Variants in SUFU observed in about 807,000 individuals in gnomAD.
SUFU encodes suppressor of fused homolog.
Under a neutral mutation model 58.9 loss-of-function variants are expected in SUFU, and 7 were observed. The observed-to-expected ratio is 0.12, with a 90% CI of 0.07 to 0.22. SUFU has a LOEUF of 0.22. SUFU is among the 10% of genes least tolerant of loss of function. The pLI is 1.00. For synonymous variants in SUFU, 232 were observed against 254.8 expected, an observed-to-expected ratio of 0.91 and a Z score of 0.85; for missense variants, 451 against 641.3, an observed-to-expected ratio of 0.70 and a Z score of 3.20.
chr10:102,577,574 A>G (rs901934646), intron 3 of SUFU, among the ~76,000 whole-genome samples: 1 of 152,178 alleles, frequency 6.6e-6, no homozygotes, highest in South Asian at 2.1e-4. Flanking sequence ...CCTGTGCTCA[A>G]GTGATCCACC....
intron 10 of SUFU, among the ~76,000 whole-genome samples, chr10:102,621,052 C>G (rs996013079): frequency 1.3e-5 from 2 of 152,218 alleles, no homozygotes; most frequent in East Asian, 3.8e-4. Context: ...GCAGCTGTTC[C>G]AAGTGGGCTC....
intron 8 of SUFU, among the ~76,000 whole-genome samples, chr10:102,611,096 C>A (rs1392465740): frequency 6.6e-6 from 1 of 152,220 alleles, no homozygotes; most frequent in Non-Finnish European, 1.5e-5. Context: ...GATGGGACAT[C>A]AAACTTTGAC....
chr10:102,612,022 T>G (rs576113748), intron 8 of SUFU, among the ~76,000 whole-genome samples: 1 of 152,342 alleles, frequency 6.6e-6, no homozygotes, highest in East Asian at 1.9e-4. Flanking sequence ...CACTACTTAT[T>G]TTTTATGACT....
At chr10:102,624,025 C>A (rs1432932738) in intron 10 of SUFU, among the ~76,000 whole-genome samples, 1 of 152,192 alleles carries the variant, frequency 6.6e-6, no homozygotes, top group Admixed American at 6.5e-5. Context: ...ACCTCCCTAG[C>A]AGAACTGCCA....
intron 2 of SUFU, among the ~76,000 whole-genome samples, chr10:102,538,507 T>C (rs573200373): frequency 5.7e-4 from 87 of 152,302 alleles, no homozygotes; most frequent in African/African-American, 2.1e-3. Context: ...AGCTACCATA[T>C]GGAAACTACA....
intron 10 of SUFU, among the ~76,000 whole-genome samples, chr10:102,622,614 C>T (rs1020831169): frequency 3.3e-5 from 5 of 152,020 alleles, no homozygotes; most frequent in Middle Eastern, 3.4e-3. Flanking sequence ...TGGCGGCGGG[C>T]GCCTGTAGTC....
intron 2 of SUFU, among the ~76,000 whole-genome samples, chr10:102,509,718 G>A (rs1018553639): frequency 1.1e-4 from 16 of 152,170 alleles, no homozygotes; most frequent in African/African-American, 3.6e-4. Flanking sequence ...AGATTCTACT[G>A]TTAACTTTAT....
chr10:102,509,831 T>A (rs1011261399), intron 2 of SUFU, among the ~76,000 whole-genome samples: 7 of 152,120 alleles, frequency 4.6e-5, no homozygotes, highest in Non-Finnish European at 1.0e-4. Context: ...CTGCTTCCGT[T>A]TGTTGCCCTA....
At chr10:102,592,984 T>G (rs1208443526) in intron 4 of SUFU, among the ~76,000 whole-genome samples, 2 of 152,108 alleles carry the variant, frequency 1.3e-5, no homozygotes, top group Non-Finnish European at 2.9e-5. Flanking sequence ...GTGGCGGGTA[T>G]TCTTTGAACA....
chr10:102,591,232 G>T (rs1040253229), intron 3 of SUFU, among the ~76,000 whole-genome samples: 8 of 152,210 alleles, frequency 5.3e-5, no homozygotes, highest in Admixed American at 2.6e-4. Context: ...TGGGTGCTGT[G>T]GCTCATACTT....
At chr10:102,584,548 C>A (rs1291944507) in intron 3 of SUFU, among the ~76,000 whole-genome samples, 1 of 152,132 alleles carries the variant, frequency 6.6e-6, no homozygotes, top group Non-Finnish European at 1.5e-5. Context: ...CCTTGAACAG[C>A]TCTTTGACCC....
At chr10:102,517,938 C>T (rs1400074893) in intron 2 of SUFU, among the ~76,000 whole-genome samples, 4 of 152,062 alleles carry the variant, frequency 2.6e-5, no homozygotes, top group African/African-American at 4.8e-5. Context: ...TCTGACCGAG[C>T]GCCTGCCCTT....
At chr10:102,599,054 G>T (rs1238615210) in intron 7 of SUFU, among the ~76,000 whole-genome samples, 1 of 152,162 alleles carries the variant, frequency 6.6e-6, no homozygotes, top group East Asian at 1.9e-4. Context: ...ATGGCAGGGT[G>T]CTTGCAGCCT....
At chr10:102,513,453 AAC>A (rs2062426049) in intron 2 of SUFU, among the ~76,000 whole-genome samples, 1 of 152,258 alleles carries the variant, frequency 6.6e-6, no homozygotes, top group African/African-American at 2.4e-5. Flanking sequence ...TCAGACACAG[AAC>A]ATCGTAATAG....
At chr10:102,585,254 C>G (rs2063324984) in intron 3 of SUFU, among the ~76,000 whole-genome samples, 1 of 152,322 alleles carries the variant, frequency 6.6e-6, no homozygotes, top group South Asian at 2.1e-4. Context: ...CATCACAGCC[C>G]TAGACAACCA....
Position 102,597,173 on chromosome 10 carries a change from T to G in SUFU, c.790T>G (p.Ser264Ala), listed in dbSNP as rs1293883579. ...TGACAAAGGCATCGAGACAGATGGCTCCAACCTGAGTGGTGTCAGTGCCAA... is the reference window on the plus strand; with the variant it reads ...TGACAAAGGCATCGAGACAGATGGCGCCAACCTGAGTGGTGTCAGTGCCAA... ...RVDKGIETDG[S>A]NLSGVSAKCA... The change falls in exon 7 of 12, where the codon TCC (serine) becomes GCC (alanine). Residue 264 changes from serine to alanine, a missense_variant. By Grantham distance (99) the Ser-to-Ala change is moderately conservative (BLOSUM62 1). Transcript: ENST00000369902. The G allele has an allele frequency of 6.2e-7, 1 of 1,614,004 alleles. No homozygotes were observed. Among genetic ancestry groups the G allele is most frequent in the South Asian group, 1.1e-5 (1 of 91,068 alleles).
intron 2 of SUFU, among the ~76,000 whole-genome samples, chr10:102,536,930 C>T (rs2062746379): frequency 6.6e-6 from 1 of 152,012 alleles, no homozygotes; most frequent in African/African-American, 2.4e-5. Context: ...CCTGCCTCAG[C>T]CTCCCGAATA....
intron 2 of SUFU, among the ~76,000 whole-genome samples, chr10:102,544,856 T>C (rs547037801): frequency 2.0e-5 from 3 of 152,368 alleles, no homozygotes; most frequent in Admixed American, 6.5e-5. Context: ...TTCATAAAAA[T>C]AGAATCATAC....
intron 3 of SUFU, among the ~76,000 whole-genome samples, chr10:102,580,263 T>C (rs1259626434): frequency 1.3e-5 from 2 of 152,216 alleles, no homozygotes; most frequent in South Asian, 2.1e-4. Context: ...GCTTCTGAGC[T>C]GGGGAGTATC....
Sources: gnomAD v4.1 joint callset for allele counts (sites outside exome capture counted in the v4.1 genomes callset) on GRCh38, gnomAD v4.1.1 for gene constraint, MANE v1.5 for transcripts, NCBI Gene and HGNC (gene_info 2026-07-23, HGNC 2026-07-21) for gene names.